The following CRTAM variants were observed in gnomAD, a reference collection of about 807,000 sequenced individuals.
The protein encoded by CRTAM is cytotoxic and regulatory T-cell molecule.
CRTAM carries 44 observed loss-of-function variants against 50.0 expected under a neutral mutation model. The ratio of observed to expected loss-of-function variants is 0.88; its 90% CI spans 0.69 to 1.13. The LOEUF (loss-of-function observed/expected upper bound fraction) is 1.13. Among genes scored for constraint, CRTAM ranks in the 50% most tolerant of loss-of-function variants. CRTAM has a pLI of 0.00. For synonymous variants in CRTAM, 159 were observed against 169.3 expected, an observed-to-expected ratio of 0.94 and a Z score of 0.47; for missense variants, 448 against 457.5, an observed-to-expected ratio of 0.98 and a Z score of 0.19.
At position 122,863,317 on chromosome 11, in the gene CRTAM, AAGAAAAAG is replaced by A. The variant is rs1302681636; in HGVS notation, c.733+775_733+782del. The stretch of plus-strand genomic sequence containing the variant: ...AAGAAAGAGAGAAAGAAAAGAAAGA[AAGAAAAAG>A]AAAGAAAGAAAGAAAGAAAGAAAGA... On this transcript the variant is annotated intron_variant, in intron 6 of 9. Transcript: ENST00000227348. Among the ~76,000 whole-genome samples the A allele has an allele frequency of 8.0e-3, 866 of 107,902 alleles. 11 individuals are homozygous for A. Among genetic ancestry groups the A allele is most frequent in the African/African-American group, 0.028 (812 of 29,170 alleles). The allele number at this position is 107,902 out of a possible 152,430, so 70.8% of individuals were successfully genotyped here. A position where few individuals can be genotyped will look rare whatever the true frequency, so the allele number is the denominator to read the frequency against.
intron 1 of CRTAM, among the ~76,000 whole-genome samples, chr11:122,847,510 C>T (rs888572426): frequency 3.3e-5 from 5 of 152,176 alleles, no homozygotes; most frequent in Non-Finnish European, 4.4e-5. Context: ...GATAGGGAGA[C>T]GTGATGTGAC....
At chr11:122,865,896 T>C (rs1215537681) in intron 7 of CRTAM, among the ~76,000 whole-genome samples, 1 of 152,202 alleles carries the variant, frequency 6.6e-6, no homozygotes, top group East Asian at 1.9e-4. Flanking sequence ...CAAGAACTTT[T>C]GAGTCTTGTC....
At position 122,871,498 on chromosome 11, in the gene CRTAM, G is replaced by A. The variant is rs1862253435; in HGVS notation, c.*99G>A. The A allele has an allele frequency of 3.8e-6, 4 of 1,048,710 alleles. No individual in the cohort carries two copies. The Admixed American group carries it at 7.4e-5, about 19-fold the overall frequency. The allele number at this position is 1,048,710 out of a possible 1,614,324, so 65.0% of individuals were successfully genotyped here. A position where few individuals can be genotyped will look rare whatever the true frequency, so the allele number is the denominator to read the frequency against. On this transcript the variant is annotated 3_prime_UTR_variant, in exon 10 of 10. Coordinates refer to ENST00000227348, the MANE Select transcript of CRTAM (RefSeq NM_019604.4). ...GCTTAATTGCTGAGACATTAATAAT[G>A]ACCTCTTAGTGCAATGCAAGATGGT... is the stretch of plus-strand genomic sequence containing the variant.
At chr11:122,853,820 A>G (rs962364130) in intron 3 of CRTAM, 123 bp from the exon 4 acceptor site, 11 of 887,476 alleles carry the variant, frequency 1.2e-5, no homozygotes, top group Admixed American at 3.3e-5. Context: ...TCTAAAAAAA[A>G]AAAGAAAGCC....
At position 122,862,265 on chromosome 11, in the gene CRTAM, G is replaced by A. The variant is rs1015447747; in HGVS notation, c.653-199G>A. The A allele has an allele frequency of 5.2e-6, 3 of 576,918 alleles. No individual in the cohort carries two copies. The South Asian group carries it at 7.0e-5, about 13-fold the overall frequency. 35.7% of individuals were successfully genotyped at this position (576,918 alleles called of 1,614,324 possible). A position where few individuals can be genotyped will look rare whatever the true frequency, so the allele number is the denominator to read the frequency against. On this transcript the variant is annotated intron_variant, in intron 5 of 9. Coordinates refer to ENST00000227348, the MANE Select transcript of CRTAM (RefSeq NM_019604.4). ...TCCAGCATGCTGTGCTTTAAGCCAGGCAGGTGAGCAGATGGACACTCAGTG... is the reference window on the plus strand; with the variant it reads ...TCCAGCATGCTGTGCTTTAAGCCAGACAGGTGAGCAGATGGACACTCAGTG...
intron 1 of CRTAM, among the ~76,000 whole-genome samples, chr11:122,838,961 C>T (rs751981998): frequency 9.2e-5 from 14 of 152,192 alleles, no homozygotes. Context: ...CACAGTCTCG[C>T]TCTGTCGCCC....
intron 3 of CRTAM, among the ~76,000 whole-genome samples, chr11:122,853,132 C>T (rs916920927): frequency 4.6e-5 from 7 of 151,162 alleles, no homozygotes; most frequent in Non-Finnish European, 1.0e-4. Context: ...GGCGCAAACT[C>T]GGCTTACTGC....
At chr11:122,845,765 T>A (rs985556204) in intron 1 of CRTAM, among the ~76,000 whole-genome samples, 1 of 151,982 alleles carries the variant, frequency 6.6e-6, no homozygotes, top group Admixed American at 6.6e-5. Flanking sequence ...TATAGGATAG[T>A]AGCTGGAAGG....
intron 9 of CRTAM, among the ~76,000 whole-genome samples, chr11:122,870,162 C>T (rs1230216784): frequency 6.6e-6 from 1 of 152,086 alleles, no homozygotes; most frequent in East Asian, 1.9e-4. Context: ...GTCACTGCAG[C>T]CTTGACCTTT....
chr11:122,858,306 C>T (rs1295203142), intron 5 of CRTAM, among the ~76,000 whole-genome samples: 1 of 152,066 alleles, frequency 6.6e-6, no homozygotes, highest in Admixed American at 6.6e-5. Context: ...CTCGCTATAA[C>T]CTCTGCCTCC....
intron 7 of CRTAM, among the ~76,000 whole-genome samples, chr11:122,865,192 A>G (rs544347391): frequency 6.6e-6 from 1 of 151,744 alleles, no homozygotes; most frequent in Non-Finnish European, 1.5e-5. Flanking sequence ...ACACGCCACC[A>G]CCCCAGCTAA....
chr11:122,858,791 G>A (rs986637269), intron 5 of CRTAM, among the ~76,000 whole-genome samples: 30 of 152,096 alleles, frequency 2.0e-4, no homozygotes, highest in African/African-American at 6.5e-4. Flanking sequence ...GCCACCCAAA[G>A]CACTGGGATT....
Position 122,855,828 on chromosome 11 carries a change from A to G in CRTAM, c.624A>G (p.Leu208=), listed in dbSNP as rs1861999462. ...IRHRGLQGRK[L]VAPFRFEDLV... ...ACAGAGGCCTGCAAGGGAGAAAACT[A>G]GTAGCACCCTTCCGGTTTGAAGATT... The change falls in exon 5 of 10, where the codon CTA becomes CTG. Residue 208 remains leucine (L), a synonymous_variant. Coordinates refer to ENST00000227348, the MANE Select transcript of CRTAM (RefSeq NM_019604.4). The G allele has an allele frequency of 4.3e-6, 7 of 1,613,406 alleles. No individual in the cohort carries two copies. Among genetic ancestry groups the G allele is most frequent in the Non-Finnish European group, 5.9e-6 (7 of 1,179,818 alleles).
chr11:122,839,297 A>G (rs992803668), intron 1 of CRTAM, among the ~76,000 whole-genome samples: 2 of 152,000 alleles, frequency 1.3e-5, no homozygotes, highest in African/African-American at 4.8e-5. Flanking sequence ...TCTCTTTGAA[A>G]CTCAGTTTCT....
intron 5 of CRTAM, among the ~76,000 whole-genome samples, chr11:122,861,092 A>G (rs1480501221): frequency 1.3e-5 from 2 of 151,626 alleles, no homozygotes; most frequent in Non-Finnish European, 2.9e-5. Context: ...TCTTTCTTCA[A>G]TTTTCTCTGG....
chr11:122,844,822 C>T (rs1172837463), intron 1 of CRTAM, among the ~76,000 whole-genome samples: 1 of 152,214 alleles, frequency 6.6e-6, no homozygotes, highest in Non-Finnish European at 1.5e-5. Context: ...GCTGCTTAAC[C>T]TCTGAGCTTT....
At chr11:122,861,132 TTATAG>T (rs1361363556) in intron 5 of CRTAM, among the ~76,000 whole-genome samples, 3 of 152,122 alleles carry the variant, frequency 2.0e-5, no homozygotes, top group African/African-American at 4.8e-5. Context: ...CATTTTAGCC[TTATAG>T]TCTATACTAT....
intron 3 of CRTAM, among the ~76,000 whole-genome samples, chr11:122,853,363 C>G (rs778192963): frequency 9.2e-5 from 14 of 152,012 alleles, no homozygotes; most frequent in Non-Finnish European, 5.9e-5. Context: ...AGCCACCTCG[C>G]CCGGCCTCAT....
intron 5 of CRTAM, among the ~76,000 whole-genome samples, chr11:122,861,420 A>ATTTTTTTTT (rs66619023): frequency 3.9e-5 from 1 of 25,622 alleles, no homozygotes; most frequent in Non-Finnish European, 6.8e-5. Flanking sequence ...ATATATATAT[A>ATTTTTTTTT]TTTTTTTTTT....
Sources: gnomAD v4.1 joint callset for allele counts (sites outside exome capture counted in the v4.1 genomes callset) on GRCh38, gnomAD v4.1.1 for gene constraint, MANE v1.5 for transcripts, NCBI Gene and HGNC (gene_info 2026-07-23, HGNC 2026-07-21) for gene names.